Variants in BMPR1B observed in about 807,000 individuals in gnomAD.
BMPR1B encodes bone morphogenetic protein receptor type-1B.
A neutral mutation model predicts 59.1 loss-of-function variants in BMPR1B; 12 were observed. The observed-to-expected ratio is 0.20, with a 90% CI of 0.13 to 0.33. The LOEUF (loss-of-function observed/expected upper bound fraction) is 0.33, where lower values mean the gene tolerates loss of function less well. BMPR1B is among the 10% of genes least tolerant of loss of function. The probability of loss-of-function intolerance (pLI) is 1.00; values close to 1 mark genes in which losing one functional copy is unlikely to be tolerated. For missense variants in BMPR1B, 550 were observed against 610.9 expected, an observed-to-expected ratio of 0.90 and a Z score of 1.05; for synonymous variants, 237 against 207.3, an observed-to-expected ratio of 1.14 and a Z score of -1.23.
chr4:95,084,274 G>C (rs1729397146), intron 3 of BMPR1B, among the ~76,000 whole-genome samples: 1 of 149,868 alleles, frequency 6.7e-6, no homozygotes, highest in Non-Finnish European at 1.5e-5. Context: ...AGTACTCTGT[G>C]TATGTACATG....
chr4:94,987,798 A>T (rs192488976), intron 2 of BMPR1B, among the ~76,000 whole-genome samples: 4 of 152,202 alleles, frequency 2.6e-5, no homozygotes, highest in Admixed American at 1.3e-4. Context: ...AATTAATAGC[A>T]TATTGTTAAT....
chr4:94,930,715 G>A (rs1292186935), intron 2 of BMPR1B, among the ~76,000 whole-genome samples: 2 of 152,084 alleles, frequency 1.3e-5, no homozygotes, highest in Non-Finnish European at 2.9e-5. Flanking sequence ...TTACAATATA[G>A]TGTGGAATGA....
At chr4:94,793,415 CATT>C (rs1368633281) in intron 1 of BMPR1B, among the ~76,000 whole-genome samples, 1 of 151,290 alleles carries the variant, frequency 6.6e-6, no homozygotes, top group Non-Finnish European at 1.5e-5. Context: ...TCCAGTCTAT[CATT>C]GTTGGACATT....
chr4:94,954,962 A>AAT (rs1474793932), intron 2 of BMPR1B, among the ~76,000 whole-genome samples: 1 of 152,164 alleles, frequency 6.6e-6, no homozygotes, highest in Non-Finnish European at 1.5e-5. Flanking sequence ...GTCTGTCTCC[A>AAT]TTAGGTCTTT....
chr4:95,053,281 T>TTTGTGTGTGTGTGTGTG (rs947790944), intron 3 of BMPR1B, among the ~76,000 whole-genome samples: 6 of 134,324 alleles, frequency 4.5e-5, no homozygotes, highest in African/African-American at 1.7e-4. Flanking sequence ...TGCAGGGCAC[T>TTTGTGTGTGTGTGTGTG]TGTGTGTGTG....
intron 3 of BMPR1B, among the ~76,000 whole-genome samples, chr4:95,048,799 G>A (rs953143122): frequency 1.3e-5 from 2 of 152,094 alleles, no homozygotes; most frequent in Admixed American, 6.6e-5. Flanking sequence ...AATCTGGGTG[G>A]TTCTGCTAAA....
intron 6 of BMPR1B, among the ~76,000 whole-genome samples, chr4:95,117,935 G>T (rs1732192959): frequency 6.6e-6 from 1 of 152,160 alleles, no homozygotes; most frequent in African/African-American, 2.4e-5. Flanking sequence ...GAGTAAAAAG[G>T]CTTAGAAAAG....
chr4:95,004,849 C>T (rs1412991853), intron 3 of BMPR1B, among the ~76,000 whole-genome samples: 6 of 152,074 alleles, frequency 3.9e-5, no homozygotes, highest in Admixed American at 6.6e-5. Context: ...TGAAATAATT[C>T]GCAGTTCTTT....
At chr4:94,972,273 T>C (rs1458200191) in intron 2 of BMPR1B, among the ~76,000 whole-genome samples, 1 of 149,062 alleles carries the variant, frequency 6.7e-6, no homozygotes, top group Non-Finnish European at 1.5e-5. Context: ...TTGCTAGCTG[T>C]AACATTAGCT....
intron 1 of BMPR1B, among the ~76,000 whole-genome samples, chr4:94,871,005 G>A (rs894111587): frequency 1.3e-5 from 2 of 151,760 alleles, no homozygotes; most frequent in African/African-American, 4.8e-5. Context: ...TTGGCGGGGG[G>A]GCGGGGTAAG....
At chr4:94,877,773 C>G (rs1223354548) in intron 2 of BMPR1B, among the ~76,000 whole-genome samples, 1 of 152,002 alleles carries the variant, frequency 6.6e-6, no homozygotes, top group Non-Finnish European at 1.5e-5. Context: ...CTATCAAATA[C>G]ATTGAGATAC....
intron 3 of BMPR1B, among the ~76,000 whole-genome samples, chr4:95,083,333 A>G (rs1729318454): frequency 6.6e-6 from 1 of 152,182 alleles, no homozygotes; most frequent in Admixed American, 6.5e-5. Context: ...AACAGATTAT[A>G]AAGACACAGA....
chr4:94,798,823 C>T (rs1157669675), intron 1 of BMPR1B, among the ~76,000 whole-genome samples: 1 of 151,862 alleles, frequency 6.6e-6, no homozygotes, highest in African/African-American at 2.4e-5. Context: ...CTTTTCTCTT[C>T]TTCTTTACTC....
chr4:94,779,891 T>A (rs1253068569), intron 1 of BMPR1B, among the ~76,000 whole-genome samples: 1 of 152,174 alleles, frequency 6.6e-6, no homozygotes, highest in Non-Finnish European at 1.5e-5. Context: ...TGTTTTATTT[T>A]ATATTCATAG....
intron 2 of BMPR1B, among the ~76,000 whole-genome samples, chr4:94,994,173 A>C (rs531250469): frequency 6.6e-6 from 1 of 152,240 alleles, no homozygotes; most frequent in Non-Finnish European, 1.5e-5. Flanking sequence ...CTGGTAGGCT[A>C]TCCTACTCTA....
chr4:94,821,823 T>C (rs752051551), intron 1 of BMPR1B, among the ~76,000 whole-genome samples: 1 of 152,202 alleles, frequency 6.6e-6, no homozygotes, highest in Non-Finnish European at 1.5e-5. Context: ...TGGCTTGATT[T>C]CAGTAAATTC....
intron 2 of BMPR1B, among the ~76,000 whole-genome samples, chr4:94,926,052 T>TCC (rs1728875056): frequency 3.6e-5 from 1 of 28,158 alleles, no homozygotes; most frequent in Non-Finnish European, 5.8e-5. Context: ...CCTCCTACCC[T>TCC]CCCTCCCCCC....
intron 1 of BMPR1B, among the ~76,000 whole-genome samples, chr4:94,874,669 T>G (rs1181498353): frequency 1.3e-5 from 2 of 152,144 alleles, no homozygotes; most frequent in Non-Finnish European, 2.9e-5. Context: ...TAGATCAAAG[T>G]CAGTTTATAT....
At chr4:95,126,011 C>T (rs1732880638) in intron 8 of BMPR1B, among the ~76,000 whole-genome samples, 1 of 152,128 alleles carries the variant, frequency 6.6e-6, no homozygotes, top group Non-Finnish European at 1.5e-5. Flanking sequence ...CAAATGTAAT[C>T]TCTTTACTGG....
Sources: allele counts gnomAD v4.1 joint callset (sites outside exome capture counted in the v4.1 genomes callset), GRCh38; gene constraint gnomAD v4.1.1; transcripts MANE v1.5; gene names NCBI Gene and HGNC (gene_info 2026-07-23, HGNC 2026-07-21).